The following LYPD5 variants were observed in gnomAD, a reference collection of about 807,000 sequenced individuals.
The protein encoded by LYPD5 is LY6/PLAUR domain containing 5, also known as ly6/PLAUR domain-containing protein 5.
In LYPD5, 21 loss-of-function variants were observed where a neutral mutation model predicts 19.1. That is an observed-to-expected ratio of 1.10 (90% CI 0.78 to 1.58). The LOEUF is 1.58. Ranked by LOEUF, LYPD5 falls within the 40% of genes most tolerant of loss-of-function variation. LYPD5 has a pLI of 0.00. For missense variants in LYPD5, 287 were observed against 329.8 expected (o/e 0.87, Z 1.00); for synonymous variants, 128 against 142.7 (o/e 0.90, Z 0.74).
chr19:43,817,123 T>C (rs1157797210), intron 1 of LYPD5, among the ~76,000 whole-genome samples: 1 of 152,186 alleles, frequency 6.6e-6, no homozygotes, highest in Admixed American at 6.5e-5. Flanking sequence ...CTCACAATTC[T>C]GGGGGCTTTC....
intron 1 of LYPD5, among the ~76,000 whole-genome samples, chr19:43,819,283 CTTTTTTTTTTT>C (rs560659624): frequency 9.0e-6 from 1 of 110,516 alleles, no homozygotes; most frequent in Non-Finnish European, 1.8e-5. Flanking sequence ...TCTTCTTCTT[CTTTTTTTTTTT>C]TTTTTTTTGA....
chr19:43,803,434 T>C (rs894916774), upstream of LYPD5, among the ~76,000 whole-genome samples: 46 of 152,114 alleles, frequency 3.0e-4, no homozygotes, highest in African/African-American at 1.1e-3. Context: ...TCTTGCTGCC[T>C]GGAGATGCTG....
At chr19:43,798,033 C>T (rs1970157653) in intron 4 of LYPD5, among the ~76,000 whole-genome samples, 4 of 151,336 alleles carry the variant, frequency 2.6e-5, no homozygotes, top group Admixed American at 1.3e-4. Context: ...AGACCAGGGC[C>T]ATGCCTCTTC....
chr19:43,799,878 C>T, intron 1 of LYPD5, 44 bp from the exon 2 acceptor site: 1 of 1,565,322 alleles, frequency 6.4e-7, no homozygotes, highest in Non-Finnish European at 8.7e-7. Context: ...CAGTGTGAGC[C>T]TGTCCCAGGA....
intron 1 of LYPD5, among the ~76,000 whole-genome samples, chr19:43,811,862 C>G (rs1599697949): frequency 6.6e-6 from 1 of 152,224 alleles, no homozygotes; most frequent in East Asian, 1.9e-4. Context: ...TCTCTATCTT[C>G]TGTGTCAGCC....
intron 1 of LYPD5, among the ~76,000 whole-genome samples, chr19:43,813,848 C>A (rs1218614131): frequency 4.6e-5 from 7 of 152,038 alleles, no homozygotes; most frequent in Non-Finnish European, 1.0e-4. Context: ...CCACCAAGCC[C>A]GGCTAATTTT....
chr19:43,802,513 C>T (rs1170488556), upstream of LYPD5: 4 of 722,308 alleles, frequency 5.5e-6, no homozygotes, highest in East Asian at 2.7e-5. Context: ...CCTATGTGGG[C>T]GGGTCTCTTC....
At chr19:43,803,488 C>T (rs1208606073), upstream of LYPD5, among the ~76,000 whole-genome samples, 2 of 152,276 alleles carry the variant, frequency 1.3e-5, no homozygotes, top group East Asian at 1.9e-4. Context: ...GAGTGGGCAC[C>T]AGCCATGTGC....
Position 43,797,261 on chromosome 19 carries a change from A to G in LYPD5, c.*330T>C. Reference sequence around the variant, plus strand: ...TGTATAGCTCCCTCCTAGAGCTGCGACAGGCTCTGGAGGGAGAGCACAGGA... The same window carrying G: ...TGTATAGCTCCCTCCTAGAGCTGCGGCAGGCTCTGGAGGGAGAGCACAGGA... On this transcript the variant is annotated 3_prime_UTR_variant, in exon 5 of 5. Transcript: ENST00000377950. The G allele has an allele frequency of 3.3e-6, 1 of 301,314 alleles. No individual in the cohort carries two copies. 18.7% of individuals were successfully genotyped at this position (301,314 alleles called of 1,614,324 possible). A position where few individuals can be genotyped will look rare whatever the true frequency, so the allele number is the denominator to read the frequency against.
At chr19:43,802,554 C>CGGCGT, upstream of LYPD5, 1 of 579,742 alleles carries the variant, frequency 1.7e-6, no homozygotes, top group Admixed American at 2.8e-5. Context: ...CAGGGTGATC[C>CGGCGT]TCAGTTGCTG....
chr19:43,799,918 C>T, intron 1 of LYPD5, 84 bp from the exon 2 acceptor site: 1 of 1,474,466 alleles, frequency 6.8e-7, no homozygotes, highest in South Asian at 1.3e-5. Context: ...AAATGACAGG[C>T]ACACGGGCCT....
At chr19:43,801,004 T>C (rs958094806) in intron 1 of LYPD5, among the ~76,000 whole-genome samples, 8 of 133,540 alleles carry the variant, frequency 6.0e-5, no homozygotes, top group African/African-American at 2.3e-4. Flanking sequence ...GGATACAAAA[T>C]GTATAGACCC....
upstream of LYPD5, among the ~76,000 whole-genome samples, chr19:43,807,118 G>A (rs4803661): frequency 0.18 from 27,735 of 151,936 alleles, 2,598 homozygotes; most frequent in Non-Finnish European, 0.21. Flanking sequence ...GGGTTGTTTC[G>A]CCTCTGGGCT....
intron 3 of LYPD5, 92 bp from the exon 4 acceptor site, chr19:43,798,693 T>C: frequency 6.3e-7 from 1 of 1,582,688 alleles, no homozygotes; most frequent in Non-Finnish European, 8.6e-7. Context: ...GCCTAGCACG[T>C]CTCGGGGGTT....
chr19:43,800,315 C>T (rs1372483597), intron 1 of LYPD5, among the ~76,000 whole-genome samples: 1 of 152,172 alleles, frequency 6.6e-6, no homozygotes, highest in Non-Finnish European at 1.5e-5. Context: ...ACAATAACAA[C>T]ACATACACAG....
At chr19:43,806,886 A>G (rs1471312831), upstream of LYPD5, among the ~76,000 whole-genome samples, 1 of 152,164 alleles carries the variant, frequency 6.6e-6, no homozygotes, top group Non-Finnish European at 1.5e-5. Flanking sequence ...TGGTGCTCAA[A>G]AGGTTGAGGA....
chr19:43,808,195 T>C (rs1387728319), intron 1 of LYPD5, among the ~76,000 whole-genome samples: 1 of 152,162 alleles, frequency 6.6e-6, no homozygotes, highest in Non-Finnish European at 1.5e-5. Flanking sequence ...CACCACTGCC[T>C]CCCAGGTTCA....
intron 2 of LYPD5, 112 bp downstream of exon 2, chr19:43,799,594 T>C (rs1279412324): frequency 8.3e-7 from 1 of 1,200,012 alleles, no homozygotes; most frequent in East Asian, 2.7e-5. Flanking sequence ...CCTCCCCATC[T>C]TTCTATCTTT....
intron 1 of LYPD5, among the ~76,000 whole-genome samples, chr19:43,819,157 T>C (rs958012068): frequency 6.6e-6 from 1 of 152,134 alleles, no homozygotes; most frequent in Non-Finnish European, 1.5e-5. Flanking sequence ...GTGTTTTCTA[T>C]TTCTTTAACT....
Sources: allele counts gnomAD v4.1 joint callset (sites outside exome capture counted in the v4.1 genomes callset), GRCh38; gene constraint gnomAD v4.1.1; transcripts MANE v1.5; gene names NCBI Gene and HGNC (gene_info 2026-07-23, HGNC 2026-07-21).